Variants in ABCC11 observed in about 807,000 individuals in gnomAD.
ABCC11 encodes ATP-binding cassette sub-family C member 11.
In ABCC11, 135 loss-of-function variants were observed where a neutral mutation model predicts 149.3. The ratio of observed to expected loss-of-function variants is 0.90; its 90% confidence interval spans 0.79 to 1.04. The LOEUF (loss-of-function observed/expected upper bound fraction) is 1.04, where lower values mean the gene tolerates loss of function less well. Among genes scored for constraint, ABCC11 ranks in the 50% least tolerant of loss-of-function variants. ABCC11 has a pLI of 0.00. For missense variants in ABCC11, 1,680 were observed against 1,722.1 expected (o/e 0.98, Z 0.43); for synonymous variants, 665 against 671.4 (o/e 0.99, Z 0.15).
chr16:48,168,384 C>T (rs1965474489), intron 28 of ABCC11, among the ~76,000 whole-genome samples: 1 of 152,212 alleles, frequency 6.6e-6, no homozygotes, highest in Non-Finnish European at 1.5e-5. Flanking sequence ...GAAAGTCCTA[C>T]CTCCTCTGAA....
rs1966114529 is a variant in ABCC11, at chr16:48,176,933, T to C, written c.3529A>G (p.Thr1177Ala). 1 of 1,613,642 alleles carries C rather than the reference T, an allele frequency of 6.2e-7. No homozygotes were observed. The highest frequency in any genetic ancestry group is 8.5e-7 in the Non-Finnish European group (1 of 1,179,952). ...GHEVVGIVGR[T>A]GSGKSSLGMA... is the part of the protein sequence containing the mutation. The stretch of plus-strand genomic sequence containing the variant: ...AGGAAGCTCAGCTCACCAGAGCCCG[T>C]CCTTCCCACGATGCCCACCACTTCG... Residue 1177 changes from threonine (T) to alanine (A), a missense_variant, in exon 25 of 30, where the codon ACG becomes GCG. Thr to Ala is a moderately conservative substitution (Grantham distance 58, BLOSUM62 0). Coordinates refer to ENST00000356608, the MANE Select transcript of ABCC11 (RefSeq NM_001370497.1).
rs552491158 is a variant in ABCC11 at position 48,230,481 on chromosome 16, A to G, written c.192T>C (p.Tyr64=). ...GAATCATGGTTCTCAAGGCAGCATCATACTTCCCCCACGGTGGGACAGCTG... is the reference window on the plus strand; with the variant it reads ...GAATCATGGTTCTCAAGGCAGCATCGTACTTCCCCCACGGTGGGACAGCTG... ...GRAAVPPWGK[Y]DAALRTMIPF... Residue 64 remains tyrosine (Y), a synonymous_variant, in exon 3 of 30, where the codon TAT becomes TAC. Coordinates refer to ENST00000356608, the MANE Select transcript of ABCC11 (RefSeq NM_001370497.1). 5 of 1,612,482 alleles carry G rather than the reference A, an allele frequency of 3.1e-6. No individual in the cohort carries two copies. In the African/African-American group the frequency reaches 5.3e-5, roughly 17 times the overall value.
rs2150739854 is a variant in ABCC11, at chr16:48,178,591, C to T, written c.3348+6G>A. The T allele has an allele frequency of 1.2e-6, 2 of 1,613,962 alleles. No homozygotes were observed. Among genetic ancestry groups the T allele is most frequent in the Non-Finnish European group, 1.7e-6 (2 of 1,179,898 alleles). The stretch of plus-strand genomic sequence containing the variant: ...TCCCCACACCAGACCCAGACCTGAA[C>T]CCCACCTTCATGTACTGCAGTATCC... On this transcript the variant is annotated splice_donor_region_variant and intron_variant, in intron 24 of 29. Transcript: ENST00000356608.
chr16:48,244,468 C>G, intron 1 of ABCC11: 3 of 1,597,408 alleles, frequency 1.9e-6, no homozygotes, highest in South Asian at 1.1e-5. Flanking sequence ...CTGCCCGGCT[C>G]CACCATGCGC....
At chr16:48,197,869 T>C in intron 17 of ABCC11, 102 bp downstream of exon 17, 2 of 1,262,866 alleles carry the variant, frequency 1.6e-6, no homozygotes, top group Admixed American at 1.9e-5. Flanking sequence ...CTCAAGACAC[T>C]GAGGGACATG....
chr16:48,212,099 T>C (rs1264836884), intron 10 of ABCC11, among the ~76,000 whole-genome samples: 1 of 152,150 alleles, frequency 6.6e-6, no homozygotes, highest in Non-Finnish European at 1.5e-5. Context: ...AAGGCAGCAG[T>C]AGGAGCCTTC....
Position 48,227,980 on chromosome 16 carries a change from C to T in ABCC11, c.237-16G>A, listed in dbSNP as rs996641994. The T allele has an allele frequency of 1.9e-6, 3 of 1,600,110 alleles. No individual in the cohort carries two copies. The African/African-American group carries it at 4.0e-5, about 22-fold the overall frequency. On this transcript the variant is annotated splice_polypyrimidine_tract_variant and intron_variant, in intron 3 of 29. Transcript: ENST00000356608. ...GGCAGGAAACCTAGTAGAGGGGCCA[C>T]AAGGATAAGAATGAATTCAGGATCA...
chr16:48,174,073 G>A (rs933817353), intron 26 of ABCC11, among the ~76,000 whole-genome samples: 8 of 152,132 alleles, frequency 5.3e-5, no homozygotes, highest in African/African-American at 1.9e-4. Context: ...AGCCTTTCTG[G>A]ATTCACTCAG....
Position 48,167,188 on chromosome 16 carries a change from G to T in ABCC11, c.*86C>A. On this transcript the variant is annotated 3_prime_UTR_variant, in exon 30 of 30. Transcript: ENST00000356608. ...AGGAGAAGTTCTCATCTCCAAACAA[G>T]AAGGTCGCAGACTGTGGGCCTCGAA... The T allele has an allele frequency of 1.6e-6, 1 of 626,806 alleles. No individual in the cohort carries two copies. The highest frequency in any genetic ancestry group is 3.0e-6 in the Non-Finnish European group (1 of 336,322). The allele number at this position is 626,806 out of a possible 1,614,324, so 38.8% of individuals were successfully genotyped here.
chr16:48,226,320 G>T (rs1970071689), intron 4 of ABCC11, among the ~76,000 whole-genome samples: 1 of 148,316 alleles, frequency 6.7e-6, no homozygotes. Flanking sequence ...TGTTGCCCAG[G>T]CTGGAGTGCA....
chr16:48,229,126 G>C (rs1208148241), intron 3 of ABCC11, among the ~76,000 whole-genome samples: 1 of 152,072 alleles, frequency 6.6e-6, no homozygotes, highest in East Asian at 1.9e-4. Flanking sequence ...AGGGATATTG[G>C]AGCAAGGAGC....
chr16:48,172,606 CT>C, intron 26 of ABCC11, among the ~76,000 whole-genome samples: 1 of 152,070 alleles, frequency 6.6e-6, no homozygotes, highest in Non-Finnish European at 1.5e-5. Context: ...TTTTGTTTAC[CT>C]TTTTGAGGAA....
Position 48,208,433 on chromosome 16 carries a change from G to C in ABCC11, c.1672C>G (p.Leu558Val), listed in dbSNP as rs1345072244. Residue 558 changes from leucine to valine, a missense_variant, in exon 12 of 30, where the codon CTG becomes GTG. By Grantham distance (32) the Leu-to-Val change is conservative. Transcript: ENST00000356608. ...GGCCACAGATCACTTACCTCCTCCA[G>C]GATGGCTGACAACAGGCTGCTCTTA... ...SGKSSLLSAI[L>V]EEMHLLEGSV... 3 of 1,614,166 alleles carry C rather than the reference G, an allele frequency of 1.9e-6. No individual in the cohort carries two copies. Among genetic ancestry groups the C allele is most frequent in the South Asian group, 1.1e-5 (1 of 91,088 alleles).
intron 26 of ABCC11, among the ~76,000 whole-genome samples, chr16:48,171,169 G>A (rs578177996): frequency 6.6e-6 from 1 of 152,208 alleles, no homozygotes; most frequent in South Asian, 2.1e-4. Flanking sequence ...TTTGTTTAGG[G>A]GCCACCTCCT....
intron 20 of ABCC11, among the ~76,000 whole-genome samples, chr16:48,189,306 T>C (rs1405089026): frequency 6.6e-6 from 1 of 152,172 alleles, no homozygotes; most frequent in Admixed American, 6.5e-5. Context: ...GATGCATCTG[T>C]GGAAGCCCAG....
At chr16:48,200,784 A>C (rs547521924) in intron 14 of ABCC11, among the ~76,000 whole-genome samples, 21 of 152,228 alleles carry the variant, frequency 1.4e-4, no homozygotes, top group Admixed American at 5.2e-4. Flanking sequence ...ATGGATACAA[A>C]CATCAAGTTA....
intron 25 of ABCC11, chr16:48,176,109 C>T (rs574717118): frequency 1.3e-5 from 2 of 152,404 alleles, no homozygotes; most frequent in South Asian, 4.1e-4. Context: ...CCCCAGCCCT[C>T]TCAGGGTTTC....
At chr16:48,221,916 CTT>C (rs747175603) in intron 6 of ABCC11, among the ~76,000 whole-genome samples, 43 of 140,678 alleles carry the variant, frequency 3.1e-4, no homozygotes, top group Non-Finnish European at 3.0e-4. Context: ...TAATTTTTGT[CTT>C]TTTTTTTTTT....
At chr16:48,209,428 T>C (rs560407977) in intron 11 of ABCC11, 1 of 152,350 alleles carries the variant, frequency 6.6e-6, no homozygotes, top group East Asian at 1.9e-4. Flanking sequence ...CTGTTCCACC[T>C]CAGATCATCA....
Sources: gnomAD v4.1 joint callset for allele counts (sites outside exome capture counted in the v4.1 genomes callset) on GRCh38, gnomAD v4.1.1 for gene constraint, MANE v1.5 for transcripts, NCBI Gene and HGNC (gene_info 2026-07-23, HGNC 2026-07-21) for gene names.